EPHA6: variants seen among roughly 807,000 people sequenced by gnomAD.
EPHA6 encodes the protein EPH receptor A6, also known as ephrin type-A receptor 6.
EPHA6 carries 50 observed loss-of-function variants against 112.0 expected under a neutral mutation model. The observed-to-expected ratio is 0.45, with a 90% CI of 0.36 to 0.56. The LOEUF (loss-of-function observed/expected upper bound fraction) is 0.56. Among genes scored for constraint, EPHA6 ranks in the 20% least tolerant of loss-of-function variants. The pLI is 0.00. For missense variants in EPHA6, 1,280 were observed against 1,417.4 expected (o/e 0.90, Z 1.56); for synonymous variants, 529 against 490.7 (o/e 1.08, Z -1.03).
At chr3:97,581,075 C>T (rs1219312984) in intron 11 of EPHA6, among the ~76,000 whole-genome samples, 1 of 152,186 alleles carries the variant, frequency 6.6e-6, no homozygotes, top group African/African-American at 2.4e-5. Context: ...CTCACATAAG[C>T]AGTCCAAATT....
At chr3:97,532,840 A>G (rs1481209591) in intron 11 of EPHA6, among the ~76,000 whole-genome samples, 2 of 152,032 alleles carry the variant, frequency 1.3e-5, no homozygotes, top group Non-Finnish European at 2.9e-5. Context: ...TGAAATGTCA[A>G]TAGTAACAGA....
At chr3:97,615,658 A>T (rs1296303788) in intron 13 of EPHA6, among the ~76,000 whole-genome samples, 3 of 152,270 alleles carry the variant, frequency 2.0e-5, no homozygotes, top group East Asian at 3.9e-4. Flanking sequence ...TGGAGAGTCC[A>T]AATTGACCAG....
intron 2 of EPHA6, among the ~76,000 whole-genome samples, chr3:96,867,321 ATAT>A (rs775669359): frequency 7.2e-5 from 11 of 151,792 alleles, no homozygotes; most frequent in Non-Finnish European, 1.3e-4. Context: ...GTCTACTAAA[ATAT>A]TATGCATTTT....
rs139077776 is a variant in EPHA6 at position 97,267,096 on chromosome 3, A to T, written c.1606+22809A>T. On this transcript the variant is annotated intron_variant, in intron 5 of 17. Coordinates refer to ENST00000389672, the MANE Select transcript of EPHA6 (RefSeq NM_001080448.3). ...TTTTAAGTGAAAATTAGTTGCCTAC[A>T]CTTTTTGTTATACTGGCTTGCTTAT... Among the ~76,000 whole-genome samples the T allele has an allele frequency of 3.5e-3, 538 of 152,234 alleles. 2 individuals carry two copies. The highest frequency in any genetic ancestry group is 0.012 in the African/African-American group (502 of 41,554).
intron 2 of EPHA6, among the ~76,000 whole-genome samples, chr3:96,971,526 G>A (rs1019148746): frequency 1.3e-5 from 2 of 152,042 alleles, no homozygotes; most frequent in African/African-American, 2.4e-5. Flanking sequence ...TTAACTACAT[G>A]CCTAGCAGCA....
chr3:97,390,239 A>G (rs889197873), intron 5 of EPHA6, among the ~76,000 whole-genome samples: 3 of 152,104 alleles, frequency 2.0e-5, no homozygotes, highest in Non-Finnish European at 4.4e-5. Context: ...TTGCTGTTGC[A>G]TTGCATTATT....
intron 3 of EPHA6, among the ~76,000 whole-genome samples, chr3:97,190,746 T>C (rs533662801): frequency 5.3e-5 from 8 of 151,932 alleles, no homozygotes; most frequent in Non-Finnish European, 1.0e-4. Flanking sequence ...AGGGATAGCA[T>C]TGGGAGATAT....
chr3:97,565,132 A>G (rs1440645251), intron 11 of EPHA6, among the ~76,000 whole-genome samples: 1 of 152,208 alleles, frequency 6.6e-6, no homozygotes, highest in Non-Finnish European at 1.5e-5. Context: ...TAGTTTCACA[A>G]GCACAGAAAG....
At chr3:97,551,166 T>C (rs556965866) in intron 11 of EPHA6, among the ~76,000 whole-genome samples, 1 of 152,296 alleles carries the variant, frequency 6.6e-6, no homozygotes, top group African/African-American at 2.4e-5. Context: ...TAGACCAGAA[T>C]CAACTTGAAA....
intron 5 of EPHA6, among the ~76,000 whole-genome samples, chr3:97,263,844 C>G (rs1306850878): frequency 6.6e-6 from 1 of 152,062 alleles, no homozygotes. Context: ...GGTTTTTATT[C>G]TAATTCTGTT....
At chr3:96,941,126 C>A (rs985012689) in intron 2 of EPHA6, among the ~76,000 whole-genome samples, 4 of 152,042 alleles carry the variant, frequency 2.6e-5, no homozygotes, top group African/African-American at 4.8e-5. Context: ...TCTTTATTTC[C>A]TGAATCTAAA....
chr3:97,566,218 C>T (rs1277372317), intron 11 of EPHA6, among the ~76,000 whole-genome samples: 2 of 152,042 alleles, frequency 1.3e-5, no homozygotes, highest in Non-Finnish European at 2.9e-5. Flanking sequence ...CCAGATCTTG[C>T]ATGAACTAAC....
chr3:96,943,590 A>C (rs2041094154), intron 2 of EPHA6, among the ~76,000 whole-genome samples: 1 of 152,260 alleles, frequency 6.6e-6, no homozygotes. Flanking sequence ...GATGTATTTA[A>C]AAACATAAGC....
chr3:97,710,605 T>C (rs1369324246), intron 14 of EPHA6, among the ~76,000 whole-genome samples: 1 of 152,202 alleles, frequency 6.6e-6, no homozygotes, highest in African/African-American at 2.4e-5. Context: ...TATTAAAAAA[T>C]CATAGAATAT....
Position 97,479,374 on chromosome 3 carries a change from G to T in EPHA6, c.2074+10G>T, listed in dbSNP as rs780376967. The T allele has an allele frequency of 1.6e-5, 25 of 1,579,818 alleles. No homozygotes were observed. The highest frequency in any genetic ancestry group is 2.2e-5 in the Non-Finnish European group (25 of 1,161,914). ...TTACAGAATGGGCATTGTAAGTAGCGCAGGGACTTTCTTTCATTATTTTGT... is the reference window on the plus strand; with the variant it reads ...TTACAGAATGGGCATTGTAAGTAGCTCAGGGACTTTCTTTCATTATTTTGT... On this transcript the variant is annotated intron_variant, in intron 9 of 17. Transcript: ENST00000389672.
chr3:97,018,924 C>G (rs1316454163), intron 3 of EPHA6, among the ~76,000 whole-genome samples: 3 of 152,182 alleles, frequency 2.0e-5, no homozygotes, highest in Non-Finnish European at 2.9e-5. Flanking sequence ...GGCGTTACCG[C>G]TAGAGCAAGG....
At chr3:97,546,560 G>A (rs1340487096) in intron 11 of EPHA6, among the ~76,000 whole-genome samples, 2 of 152,006 alleles carry the variant, frequency 1.3e-5, no homozygotes, top group African/African-American at 2.4e-5. Context: ...TGCTCTTCTC[G>A]AAGAGTATCT....
At chr3:97,607,721 T>C (rs1189104387) in intron 12 of EPHA6, among the ~76,000 whole-genome samples, 1 of 151,124 alleles carries the variant, frequency 6.6e-6, no homozygotes, top group Non-Finnish European at 1.5e-5. Flanking sequence ...AATACTAAGA[T>C]GATTCTGTGA....
intron 14 of EPHA6, among the ~76,000 whole-genome samples, chr3:97,668,092 C>T (rs527816246): frequency 6.6e-5 from 10 of 152,262 alleles, no homozygotes; most frequent in African/African-American, 2.4e-4. Flanking sequence ...TCTATGACAA[C>T]TCACAAAACG....
Sources: allele counts gnomAD v4.1 joint callset (sites outside exome capture counted in the v4.1 genomes callset), GRCh38; gene constraint gnomAD v4.1.1; transcripts MANE v1.5; gene names NCBI Gene and HGNC (gene_info 2026-07-23, HGNC 2026-07-21).